FAM117B: variants seen among roughly 807,000 people sequenced by gnomAD.
FAM117B encodes family with sequence similarity 117 member B.
FAM117B carries 22 observed loss-of-function variants against 52.8 expected under a neutral mutation model. The observed-to-expected ratio is 0.42, with a 90% CI of 0.30 to 0.59. The LOEUF (loss-of-function observed/expected upper bound fraction) is 0.59, where lower values mean the gene tolerates loss of function less well. Among genes scored for constraint, FAM117B ranks in the 20% least tolerant of loss-of-function variants. FAM117B has a pLI of 0.22. For synonymous variants in FAM117B, 309 were observed against 324.1 expected (o/e 0.95, Z 0.50); for missense variants, 678 against 802.6 (o/e 0.84, Z 1.88).
intron 1 of FAM117B, among the ~76,000 whole-genome samples, chr2:202,673,914 A>T (rs1475022260): frequency 6.6e-6 from 1 of 152,164 alleles, no homozygotes; most frequent in Non-Finnish European, 1.5e-5. Flanking sequence ...AGTGTCTTCT[A>T]CATGATGGGT....
At chr2:202,699,426 C>CAAAAAAAAAAAAAAAAAAAAAAAA (rs751190825) in intron 2 of FAM117B, among the ~76,000 whole-genome samples, 54 of 17,802 alleles carry the variant, frequency 3.0e-3, no homozygotes, top group Non-Finnish European at 4.5e-3. Context: ...GACCCCATCT[C>CAAAAAAAAAAAAAAAAAAAAAAAA]AAAAAAAAAA....
intron 1 of FAM117B, among the ~76,000 whole-genome samples, chr2:202,684,015 C>T (rs551240997): frequency 7.9e-5 from 12 of 152,100 alleles, no homozygotes; most frequent in East Asian, 3.9e-4. Flanking sequence ...CACAGGCACA[C>T]GCTACCACAC....
intron 1 of FAM117B, among the ~76,000 whole-genome samples, chr2:202,675,218 CCT>C (rs1690358847): frequency 6.6e-6 from 1 of 151,182 alleles, no homozygotes; most frequent in Non-Finnish European, 1.5e-5. Context: ...AGAGTAAGAC[CCT>C]GTCTCTTAAA....
At chr2:202,650,550 C>G (rs1480004040) in intron 1 of FAM117B, among the ~76,000 whole-genome samples, 1 of 152,120 alleles carries the variant, frequency 6.6e-6, no homozygotes, top group Non-Finnish European at 1.5e-5. Context: ...GGAGTATTGA[C>G]TCACGTGATC....
rs1559091986 is a variant in FAM117B at position 202,640,295 on chromosome 2, A to ATATATATATATAT, written c.601+4507_601+4508insTATATATATATAT. ...ACAACAACCACCACCACCACCACAA[A>ATATATATATATAT]ATATATATATATATATATATATATA... On this transcript the variant is annotated intron_variant, in intron 1 of 7. Transcript: ENST00000392238. Among the ~76,000 whole-genome samples, 37 of 51,302 alleles carry ATATATATATATAT rather than the reference A, an allele frequency of 7.2e-4. 5 individuals carry two copies. Among genetic ancestry groups the ATATATATATATAT allele is most frequent in the Non-Finnish European group, 9.6e-4 (28 of 29,208 alleles). 33.7% of individuals were successfully genotyped at this position (51,302 alleles called of 152,430 possible).
At chr2:202,670,225 A>G (rs1462099251) in intron 1 of FAM117B, among the ~76,000 whole-genome samples, 2 of 152,210 alleles carry the variant, frequency 1.3e-5, no homozygotes, top group Non-Finnish European at 2.9e-5. Flanking sequence ...CAAAAATGAA[A>G]AGAGAAATAA....
At chr2:202,730,281 G>A (rs917236021) in intron 4 of FAM117B, among the ~76,000 whole-genome samples, 1 of 152,144 alleles carries the variant, frequency 6.6e-6, no homozygotes, top group African/African-American at 2.4e-5. Context: ...TAACCTCAGA[G>A]TCTGAGGTTT....
rs1258122636 is a variant in FAM117B at position 202,765,927 on chromosome 2, G to A, written c.*163G>A. 5 of 720,066 alleles carry A rather than the reference G, an allele frequency of 6.9e-6. No homozygotes were observed. Among genetic ancestry groups the A allele is most frequent in the Non-Finnish European group, 1.1e-5 (5 of 446,766 alleles). 44.6% of individuals were successfully genotyped at this position (720,066 alleles called of 1,614,324 possible). A position where few individuals can be genotyped will look rare whatever the true frequency, so the allele number is the denominator to read the frequency against. ...AGAAAGGATCCCCCGTGACGGCTCT[G>A]CCCCACTTGTGAACGCCAACCCTCA... On this transcript the variant is annotated 3_prime_UTR_variant, in exon 8 of 8. Transcript: ENST00000392238.
In FAM117B at chr2:202,645,901, G is replaced by T. The variant is rs554980114; in HGVS notation, c.601+10113G>T. Among the ~76,000 whole-genome samples the T allele has an allele frequency of 2.0e-5, 3 of 151,900 alleles. No individual in the cohort carries two copies. In the South Asian group the frequency reaches 6.2e-4, roughly 32 times the overall value. On this transcript the variant is annotated intron_variant, in intron 1 of 7. Transcript: ENST00000392238. ...ATTACAGGAGTGAGCCACAGCGCCC[G>T]GCCTATCAGATTTATTTTTATCTTG...
At chr2:202,684,016 G>A (rs533901313) in intron 1 of FAM117B, among the ~76,000 whole-genome samples, 1 of 151,958 alleles carries the variant, frequency 6.6e-6, no homozygotes, top group Non-Finnish European at 1.5e-5. Flanking sequence ...ACAGGCACAC[G>A]CTACCACACC....
At chr2:202,751,586 T>G (rs1455147966) in intron 4 of FAM117B, among the ~76,000 whole-genome samples, 1 of 151,976 alleles carries the variant, frequency 6.6e-6, no homozygotes, top group Non-Finnish European at 1.5e-5. Flanking sequence ...AGGCCAACGT[T>G]GCGAAACCTC....
At chr2:202,669,642 A>G (rs565446807) in intron 1 of FAM117B, among the ~76,000 whole-genome samples, 3 of 152,314 alleles carry the variant, frequency 2.0e-5, no homozygotes, top group East Asian at 1.9e-4. Flanking sequence ...TGTTTTTCAC[A>G]TTGTTTCAAG....
At chr2:202,682,260 C>CA (rs1401315436) in intron 1 of FAM117B, among the ~76,000 whole-genome samples, 2 of 152,206 alleles carry the variant, frequency 1.3e-5, no homozygotes, top group African/African-American at 2.4e-5. Context: ...AAAAGGCTGT[C>CA]ACGCTGACCC....
At chr2:202,694,817 T>C in intron 1 of FAM117B, among the ~76,000 whole-genome samples, 1 of 152,286 alleles carries the variant, frequency 6.6e-6, no homozygotes, top group African/African-American at 2.4e-5. Flanking sequence ...AGATGTGTTA[T>C]TACTCCATCC....
chr2:202,682,398 G>A (rs1298049866), intron 1 of FAM117B, among the ~76,000 whole-genome samples: 1 of 152,158 alleles, frequency 6.6e-6, no homozygotes, highest in Non-Finnish European at 1.5e-5. Flanking sequence ...CTAGTATGGA[G>A]TTTGCTCTTG....
intron 5 of FAM117B, among the ~76,000 whole-genome samples, chr2:202,756,130 T>G (rs1691797434): frequency 6.6e-6 from 1 of 152,156 alleles, no homozygotes; most frequent in Non-Finnish European, 1.5e-5. Flanking sequence ...ATTTAGAAAT[T>G]ATCTGGCTGT....
chr2:202,690,636 A>T (rs1315328923), intron 1 of FAM117B, among the ~76,000 whole-genome samples: 1 of 152,206 alleles, frequency 6.6e-6, no homozygotes, highest in Non-Finnish European at 1.5e-5. Context: ...AAGGGTAGAG[A>T]CAAACACCTA....
rs746044875 is a variant in FAM117B at position 202,678,361 on chromosome 2, C to T, written c.602-17520C>T. On this transcript the variant is annotated intron_variant, in intron 1 of 7. Transcript: ENST00000392238. ...GAGGTGGTGTTTGATTTGCATAGGG[C>T]TCAGGGGATTGATTTGACCAGGCAT... Among the ~76,000 whole-genome samples the T allele has an allele frequency of 2.6e-4, 40 of 152,098 alleles. 1 individual carries two copies. The highest frequency in any genetic ancestry group is 4.4e-4 in the Non-Finnish European group (30 of 68,026).
chr2:202,749,416 GA>G, intron 4 of FAM117B, among the ~76,000 whole-genome samples: 1 of 146,652 alleles, frequency 6.8e-6, no homozygotes, highest in Middle Eastern at 3.4e-3. Flanking sequence ...AAAGCATAGA[GA>G]TAGGTTACAG....
Sources: allele counts gnomAD v4.1 joint callset (sites outside exome capture counted in the v4.1 genomes callset), GRCh38; gene constraint gnomAD v4.1.1; transcripts MANE v1.5; gene names NCBI Gene and HGNC (gene_info 2026-07-23, HGNC 2026-07-21).